The following HTR2C variants were observed in gnomAD, a reference collection of about 807,000 sequenced individuals.
HTR2C encodes 5-hydroxytryptamine (serotonin) receptor 2C, G protein-coupled.
HTR2C carries 5 observed loss-of-function variants against 21.0 expected under a neutral mutation model. That is an observed-to-expected ratio of 0.24 (90% CI 0.12 to 0.50). The LOEUF is 0.50. HTR2C is among the 20% of genes least tolerant of loss of function. The pLI, the probability that HTR2C is intolerant of heterozygous loss-of-function variation, is 0.98. For synonymous variants in HTR2C, 150 were observed against 145.3 expected (o/e 1.03, Z -0.23); for missense variants, 271 against 371.2 (o/e 0.73, Z 2.22).
At chrX:114,786,869 T>C (rs1250695978) in intron 4 of HTR2C, among the ~76,000 whole-genome samples, 6 of 111,252 alleles carry the variant, frequency 5.4e-5, no homozygotes, top group Non-Finnish European at 3.8e-5. Flanking sequence ...TTTTGTTTTT[T>C]TGTTTTTGTT....
intron 4 of HTR2C, among the ~76,000 whole-genome samples, chrX:114,774,421 A>G (rs782796017): frequency 3.6e-5 from 4 of 111,540 alleles, no homozygotes; most frequent in African/African-American, 1.3e-4. Flanking sequence ...TATTATATAT[A>G]GTCATAACGT....
rs782734383 is a variant in HTR2C, at chrX:114,874,666, G to A, written c.550+26463G>A. Among the ~76,000 whole-genome samples the A allele has an allele frequency of 6.3e-5, 7 of 110,314 alleles. No individual in the cohort carries two copies. The East Asian group carries it at 1.5e-3, about 23-fold the overall frequency. ...TGGGATTATAGATGTGCACCACCAT[G>A]CCCGGCTAATTTTTGTATTTTTAGT... On this transcript the variant is annotated intron_variant, in intron 5 of 5. Coordinates refer to ENST00000276198, the MANE Select transcript of HTR2C (RefSeq NM_000868.4).
intron 4 of HTR2C, among the ~76,000 whole-genome samples, chrX:114,762,894 C>G (rs2069895400): frequency 8.9e-6 from 1 of 112,205 alleles, no homozygotes; most frequent in African/African-American, 3.2e-5. Flanking sequence ...CCTGTGCTAA[C>G]AAAGGTCCTC....
intron 2 of HTR2C, among the ~76,000 whole-genome samples, chrX:114,641,052 C>T (rs970645876): frequency 3.5e-3 from 155 of 44,385 alleles, no homozygotes; most frequent in Middle Eastern, 0.014. Flanking sequence ...TTCTTTCTTT[C>T]TTTTTTTCTT....
At chrX:114,636,995 C>T (rs909675804) in intron 2 of HTR2C, among the ~76,000 whole-genome samples, 1 of 111,750 alleles carries the variant, frequency 8.9e-6, no homozygotes, top group Admixed American at 9.5e-5. Context: ...GGCAGGGAAA[C>T]TGAAGTCCTT....
At chrX:114,728,462 A>G (rs2069504325) in intron 3 of HTR2C, among the ~76,000 whole-genome samples, 1 of 111,324 alleles carries the variant, frequency 9.0e-6, no homozygotes, top group South Asian at 3.7e-4. Flanking sequence ...AAACTGAAGA[A>G]TAAAGGATTA....
At chrX:114,876,695 A>G (rs1165197354) in intron 5 of HTR2C, among the ~76,000 whole-genome samples, 1 of 110,582 alleles carries the variant, frequency 9.0e-6, no homozygotes, top group African/African-American at 3.3e-5. Context: ...ATTGAGATCG[A>G]TCATATTTTT....
At chrX:114,696,827 CTTTATCGCATAAATCTTAAAG>C in intron 2 of HTR2C, among the ~76,000 whole-genome samples, 1 of 110,569 alleles carries the variant, frequency 9.0e-6, no homozygotes, top group Non-Finnish European at 1.9e-5. Context: ...GCATTTACCT[CTTTATCGCATAAATCTTAAAG>C]CAAAGAAAAT....
At chrX:114,859,326 G>T (rs1556472187) in intron 5 of HTR2C, among the ~76,000 whole-genome samples, 1 of 111,514 alleles carries the variant, frequency 9.0e-6, no homozygotes, top group Non-Finnish European at 1.9e-5. Flanking sequence ...CTGTGTGTGT[G>T]TGTGTGTGTG....
chrX:114,806,984 T>TATATATACCATATATAC (rs1569496065), intron 4 of HTR2C, among the ~76,000 whole-genome samples: 2 of 101,218 alleles, frequency 2.0e-5, no homozygotes, highest in African/African-American at 7.2e-5. Context: ...ACCATATATA[T>TATATATACCATATATAC]ACCACATATA....
At chrX:114,725,993 G>A (rs1299103915) in intron 2 of HTR2C, among the ~76,000 whole-genome samples, 4 of 110,743 alleles carry the variant, frequency 3.6e-5, no homozygotes, top group Non-Finnish European at 5.7e-5. Context: ...GCCCCCAGAG[G>A]TGGAGCCTAC....
chrX:114,599,332 A>T (rs1927993601), intron 1 of HTR2C, among the ~76,000 whole-genome samples: 1 of 112,054 alleles, frequency 8.9e-6, no homozygotes, highest in Admixed American at 9.5e-5. Context: ...CTGACCAGTT[A>T]ACAGGCCATG....
rs1242331370 is a variant in HTR2C at position 114,906,981 on chromosome X, A to G, written c.943A>G (p.Ile315Val). Residue 315 changes from isoleucine (I) to valine (V), a missense_variant, in exon 6 of 6, where the codon ATT becomes GTT. Ile to Val is a conservative substitution (Grantham distance 29). This residue lies in a region of HTR2C where 192 missense variants were observed against 247.2 expected (regional missense o/e 0.78). Transcript: ENST00000276198. ...AAGAAAAGCTTCGAAAGTCCTTGGG[A>G]TTGTTTTCTTTGTGTTTCTGATCAT... ...NERKASKVLG[I>V]VFFVFLIMWC... 8.3e-7 allele frequency: 1 copy of G among 1,211,093 alleles called. No individual in the cohort carries two copies. Among genetic ancestry groups the G allele is most frequent in the Non-Finnish European group, 1.1e-6 (1 of 895,218 alleles).
chrX:114,586,346 G>A (rs1278313508), intron 1 of HTR2C, among the ~76,000 whole-genome samples: 1 of 111,634 alleles, frequency 9.0e-6, no homozygotes, highest in Non-Finnish European at 1.9e-5. Context: ...TCCATATTTT[G>A]GGGAGGTAGG....
At chrX:114,688,495 A>G (rs1263478921) in intron 2 of HTR2C, among the ~76,000 whole-genome samples, 1 of 111,382 alleles carries the variant, frequency 9.0e-6, no homozygotes, top group African/African-American at 3.3e-5. Context: ...TCGTCTTATA[A>G]TTTGTCAGGT....
intron 2 of HTR2C, among the ~76,000 whole-genome samples, chrX:114,724,116 T>C (rs1411826643): frequency 1.9e-5 from 2 of 105,729 alleles, no homozygotes; most frequent in African/African-American, 6.8e-5. Context: ...GACAGTGGGG[T>C]GTTAAAGTCC....
intron 2 of HTR2C, among the ~76,000 whole-genome samples, chrX:114,642,818 G>GT (rs11400854): frequency 9.2e-6 from 1 of 109,226 alleles, no homozygotes; most frequent in Admixed American, 9.9e-5. Flanking sequence ...TAACAAATTA[G>GT]TTTTTTTATA....
At chrX:114,780,324 G>C (rs2070104904) in intron 4 of HTR2C, among the ~76,000 whole-genome samples, 1 of 111,435 alleles carries the variant, frequency 9.0e-6, no homozygotes, top group Non-Finnish European at 1.9e-5. Context: ...GCTCACATGA[G>C]AGTAAGGAAT....
At chrX:114,887,229 T>A (rs935185525) in intron 5 of HTR2C, among the ~76,000 whole-genome samples, 2 of 111,745 alleles carry the variant, frequency 1.8e-5, no homozygotes, top group Non-Finnish European at 3.8e-5. Context: ...TATTTTTTTG[T>A]GTGAAGTTGT....
Sources: allele counts gnomAD v4.1 joint callset (sites outside exome capture counted in the v4.1 genomes callset), GRCh38; gene constraint gnomAD v4.1.1; regional missense constraint gnomAD v4.1.1; transcripts MANE v1.5; gene names NCBI Gene and HGNC (gene_info 2026-07-23, HGNC 2026-07-21).